The following GALNTL6 variants were observed in gnomAD, a reference collection of about 807,000 sequenced individuals.
GALNTL6 encodes polypeptide N-acetylgalactosaminyltransferase-like 6.
GALNTL6 carries 46 observed loss-of-function variants against 73.7 expected under a neutral mutation model. The ratio of observed to expected loss-of-function variants is 0.62; its 90% CI spans 0.49 to 0.80. The LOEUF is 0.80. Among genes scored for constraint, GALNTL6 ranks in the 30% least tolerant of loss-of-function variants. GALNTL6 has a pLI of 0.00. For synonymous variants in GALNTL6, 259 were observed against 263.7 expected, an observed-to-expected ratio of 0.98 and a Z score of 0.17; for missense variants, 604 against 755.0, an observed-to-expected ratio of 0.80 and a Z score of 2.34.
At chr4:173,037,501 T>C (rs889087034) in intron 12 of GALNTL6, among the ~76,000 whole-genome samples, 1 of 152,204 alleles carries the variant, frequency 6.6e-6, no homozygotes, top group Non-Finnish European at 1.5e-5. Context: ...ACACCTGTAT[T>C]TCTCAGAGCA....
intron 2 of GALNTL6, among the ~76,000 whole-genome samples, chr4:171,872,315 A>C (rs1040201610): frequency 6.6e-6 from 1 of 152,116 alleles, no homozygotes; most frequent in Non-Finnish European, 1.5e-5. Context: ...CCTTATATTA[A>C]ATTGATTTTA....
chr4:172,503,542 ATATATATG>A (rs199885771), intron 5 of GALNTL6, among the ~76,000 whole-genome samples: 112 of 99,252 alleles, frequency 1.1e-3, no homozygotes, highest in Admixed American at 2.2e-3. Flanking sequence ...ATATATATAT[ATATATATG>A]TATTAGTTTT....
At chr4:172,771,295 G>A (rs17058886) in intron 5 of GALNTL6, among the ~76,000 whole-genome samples, 21,768 of 152,046 alleles carry the variant, frequency 0.14, 1,806 homozygotes, top group Admixed American at 0.24. Context: ...TGAGAAGTTC[G>A]GTAATTTGAA....
chr4:173,014,720 ATATTTTCTGCTGTCTCAAG>A (rs1291665845), intron 11 of GALNTL6, among the ~76,000 whole-genome samples: 1 of 152,212 alleles, frequency 6.6e-6, no homozygotes, highest in Non-Finnish European at 1.5e-5. Flanking sequence ...ACAGAGAAAA[ATATTTTCTGCTGTCTCAAG>A]TCAGGTAGCA....
At chr4:172,403,801 A>G (rs796699150) in intron 5 of GALNTL6, among the ~76,000 whole-genome samples, 11 of 152,086 alleles carry the variant, frequency 7.2e-5, no homozygotes, top group African/African-American at 2.2e-4. Context: ...CTATCAGTCT[A>G]TTGTAAGCCA....
chr4:172,974,657 C>T (rs1484753977), intron 10 of GALNTL6, among the ~76,000 whole-genome samples: 1 of 152,352 alleles, frequency 6.6e-6, no homozygotes, highest in East Asian at 1.9e-4. Context: ...GCTCATTCCA[C>T]CCACTCAGCC....
chr4:171,820,246 T>C (rs1328307295), intron 2 of GALNTL6, among the ~76,000 whole-genome samples: 1 of 152,182 alleles, frequency 6.6e-6, no homozygotes, highest in Non-Finnish European at 1.5e-5. Context: ...TGTCTGTCAC[T>C]GCTTAACAAG....
chr4:172,797,013 A>G (rs1384156685), intron 5 of GALNTL6, among the ~76,000 whole-genome samples: 1 of 152,130 alleles, frequency 6.6e-6, no homozygotes, highest in Non-Finnish European at 1.5e-5. Context: ...ACTAACACAC[A>G]TTATTTTGAG....
At chr4:171,966,062 G>A (rs762182869) in intron 2 of GALNTL6, among the ~76,000 whole-genome samples, 1 of 152,110 alleles carries the variant, frequency 6.6e-6, no homozygotes, top group Non-Finnish European at 1.5e-5. Context: ...TTCTATGACA[G>A]ATTTCTTTTT....
intron 4 of GALNTL6, among the ~76,000 whole-genome samples, chr4:172,319,057 G>A (rs947777496): frequency 3.9e-5 from 6 of 151,932 alleles, no homozygotes; most frequent in Admixed American, 6.6e-5. Context: ...CCCCTTCCTC[G>A]TTTTACTCCT....
chr4:171,955,326 C>T (rs956853327), intron 2 of GALNTL6, among the ~76,000 whole-genome samples: 1 of 151,766 alleles, frequency 6.6e-6, no homozygotes, highest in African/African-American at 2.4e-5. Context: ...AATATATATA[C>T]ACCTTTTTAT....
At chr4:171,970,476 C>T (rs776202941) in intron 2 of GALNTL6, among the ~76,000 whole-genome samples, 2 of 152,172 alleles carry the variant, frequency 1.3e-5, no homozygotes, top group Non-Finnish European at 2.9e-5. Context: ...ATGCTATGGA[C>T]ATAATGTCTT....
At chr4:172,622,881 A>G (rs899252439) in intron 5 of GALNTL6, among the ~76,000 whole-genome samples, 2 of 152,166 alleles carry the variant, frequency 1.3e-5, no homozygotes, top group African/African-American at 4.8e-5. Context: ...TTAAGGTTGA[A>G]CAGTAAAATG....
At chr4:171,977,701 C>G (rs2111074682) in intron 2 of GALNTL6, among the ~76,000 whole-genome samples, 1 of 152,278 alleles carries the variant, frequency 6.6e-6, no homozygotes, top group Admixed American at 6.5e-5. Flanking sequence ...CACCCCATGG[C>G]AGGTAGAAAG....
chr4:172,571,486 T>C (rs988938671), intron 5 of GALNTL6, among the ~76,000 whole-genome samples: 3 of 152,186 alleles, frequency 2.0e-5, no homozygotes, highest in African/African-American at 7.2e-5. Flanking sequence ...CTTAAGACTG[T>C]CTAGATGTTC....
At chr4:172,857,634 C>T (rs1451840093) in intron 7 of GALNTL6, among the ~76,000 whole-genome samples, 1 of 152,148 alleles carries the variant, frequency 6.6e-6, no homozygotes. Flanking sequence ...ACTTAATTGA[C>T]ATATCTCACT....
chr4:172,233,440 T>G (rs1355069791), intron 3 of GALNTL6, among the ~76,000 whole-genome samples: 6 of 152,146 alleles, frequency 3.9e-5, no homozygotes, highest in Non-Finnish European at 7.4e-5. Context: ...TAGTCTTCAT[T>G]TTTACATAAT....
intron 2 of GALNTL6, among the ~76,000 whole-genome samples, chr4:172,066,854 C>A (rs546071755): frequency 6.6e-6 from 1 of 151,998 alleles, no homozygotes; most frequent in African/African-American, 2.4e-5. Context: ...TTATGTGAAC[C>A]ACTTCTTTCT....
chr4:172,608,029 A>G (rs1301708534), intron 5 of GALNTL6, among the ~76,000 whole-genome samples: 5 of 152,038 alleles, frequency 3.3e-5, no homozygotes, highest in East Asian at 1.9e-4. Context: ...TCTGGATCCT[A>G]GATATTAGAT....
Sources: gnomAD v4.1 joint callset for allele counts (sites outside exome capture counted in the v4.1 genomes callset) on GRCh38, gnomAD v4.1.1 for gene constraint, MANE v1.5 for transcripts, NCBI Gene and HGNC (gene_info 2026-07-23, HGNC 2026-07-21) for gene names.